Variants in SERINC2 observed in about 807,000 individuals in gnomAD.
SERINC2 encodes serine incorporator 2, also known as tumor differentially expressed protein 2.
Under a neutral mutation model 54.2 loss-of-function variants are expected in SERINC2, and 56 were observed. The observed-to-expected ratio is 1.03, with a 90% CI of 0.83 to 1.29. The LOEUF (loss-of-function observed/expected upper bound fraction) is 1.29. Ranked by LOEUF, SERINC2 falls within the 50% of genes most tolerant of loss-of-function variation. The pLI is 0.00. For synonymous variants in SERINC2, 272 were observed against 253.1 expected (o/e 1.07, Z -0.71); for missense variants, 614 against 607.4 (o/e 1.01, Z -0.12).
chr1:31,409,851 TG>T, upstream of SERINC2: 1 of 1,555,844 alleles, frequency 6.4e-7, no homozygotes, highest in East Asian at 2.4e-5. Context: ...GACGGGAGGA[TG>T]GTAAGAGGGG....
chr1:31,410,522 T>C, upstream of SERINC2: 1 of 1,521,920 alleles, frequency 6.6e-7, no homozygotes, highest in Non-Finnish European at 8.8e-7. Flanking sequence ...TGGCAGCATA[T>C]TACCTTGCTC....
intron 1 of SERINC2, among the ~76,000 whole-genome samples, chr1:31,423,133 C>T (rs538240849): frequency 6.6e-5 from 10 of 152,352 alleles, no homozygotes; most frequent in South Asian, 4.1e-4. Context: ...CGCAAAAATT[C>T]CTGCCCCGCT....
intron 8 of SERINC2, among the ~76,000 whole-genome samples, chr1:31,431,853 G>T (rs1553134550): frequency 1.0e-4 from 15 of 149,240 alleles, no homozygotes; most frequent in African/African-American, 3.7e-4. Context: ...GGGTGGATAG[G>T]GTGGATAGGG....
chr1:31,429,338 C>T (rs782788956), intron 7 of SERINC2, 59 bp from the exon 8 acceptor site: 4 of 1,551,012 alleles, frequency 2.6e-6, no homozygotes, highest in Non-Finnish European at 2.6e-6. Flanking sequence ...TCCTCAGGGC[C>T]ACTTGGCTAC....
intron 8 of SERINC2, 100 bp from the exon 9 acceptor site, chr1:31,432,867 A>G (rs1641352871): frequency 3.5e-6 from 3 of 851,014 alleles, no homozygotes; most frequent in Non-Finnish European, 5.5e-6. Flanking sequence ...CAGGCCCAGT[A>G]ACCGGGTCGC....
intron 8 of SERINC2, among the ~76,000 whole-genome samples, chr1:31,431,841 T>C (rs188919158): frequency 0.025 from 879 of 35,106 alleles, 12 homozygotes; most frequent in Middle Eastern, 0.056. Flanking sequence ...ATAGGGTGGA[T>C]AGGGTGGATA....
intron 1 of SERINC2, among the ~76,000 whole-genome samples, chr1:31,416,653 A>T (rs1219773802): frequency 6.6e-6 from 1 of 152,240 alleles, no homozygotes; most frequent in Non-Finnish European, 1.5e-5. Context: ...AATACATGTT[A>T]AAAAATTTAC....
Position 31,424,760 on chromosome 1 carries a change from C to A in SERINC2, c.279C>A (p.Gly93=), listed in dbSNP as rs1553133271. 1 of 1,611,576 alleles carries A rather than the reference C, an allele frequency of 6.2e-7. No individual in the cohort carries two copies. The highest frequency in any genetic ancestry group is 1.7e-5 in the Admixed American group (1 of 59,682). Residue 93 remains glycine, a synonymous_variant, in exon 3 of 10, where the codon GGC becomes GGA. Transcript: ENST00000373709. ...ACATCGACTGTGGCTCCCTGCTTGG[C>A]TACCGCGCTGTCTACCGCATGTGCT... ...QGHIDCGSLL[G]YRAVYRMCFA...
At chr1:31,416,005 T>C in intron 1 of SERINC2, 1 of 710,192 alleles carries the variant, frequency 1.4e-6, no homozygotes, top group Non-Finnish European at 1.7e-6. Flanking sequence ...TCTGCAAAGA[T>C]TTCAGGAGGG....
rs368079894 is a variant in SERINC2 at position 31,424,746 on chromosome 1, G to C, written c.265G>C (p.Gly89Arg). 9 of 1,610,908 alleles carry C rather than the reference G, an allele frequency of 5.6e-6. No homozygotes were observed. The highest frequency in any genetic ancestry group is 1.3e-5 in the African/African-American group (1 of 74,910). The change falls in exon 3 of 10, where the codon GGC becomes CGC. Residue 89 changes from glycine (G) to arginine (R), a missense_variant. Gly to Arg is a moderately radical substitution (Grantham distance 125). Transcript: ENST00000373709. ...PTVLQGHIDC[G>R]SLLGYRAVYR... ...CGTCCTGCAGGGCCACATCGACTGT[G>C]GCTCCCTGCTTGGCTACCGCGCTGT...
At chr1:31,422,267 C>G (rs1334397607) in intron 1 of SERINC2, among the ~76,000 whole-genome samples, 1 of 150,636 alleles carries the variant, frequency 6.6e-6, no homozygotes, top group East Asian at 2.0e-4. Flanking sequence ...CCACTGCACT[C>G]CAGCCTGGGT....
chr1:31,411,180 T>C (rs1640642098), upstream of SERINC2, among the ~76,000 whole-genome samples: 1 of 152,102 alleles, frequency 6.6e-6, no homozygotes, highest in African/African-American at 2.4e-5. Context: ...GGCCTCGGGT[T>C]AGGGAAGGAC....
At chr1:31,423,592 T>C (rs1640952417) in intron 1 of SERINC2, 101 bp from the exon 2 acceptor site, 5 of 1,239,210 alleles carry the variant, frequency 4.0e-6, no homozygotes, top group Middle Eastern at 2.7e-4. Context: ...AGTGTGCTCC[T>C]GCCTAGCGCA....
intron 8 of SERINC2, among the ~76,000 whole-genome samples, chr1:31,431,915 GGGTGGTT>G: frequency 6.8e-6 from 1 of 147,100 alleles, no homozygotes; most frequent in Admixed American, 6.8e-5. Flanking sequence ...AGGGTGGATA[GGGTGGTT>G]AGGGTGGATA....
chr1:31,432,321 A>T (rs1323827945), intron 8 of SERINC2, among the ~76,000 whole-genome samples: 1 of 151,658 alleles, frequency 6.6e-6, no homozygotes, highest in African/African-American at 2.4e-5. Flanking sequence ...TTGTTTGGAA[A>T]CGTGAGTTGG....
At chr1:31,421,715 C>G (rs1192417631) in intron 1 of SERINC2, among the ~76,000 whole-genome samples, 1 of 152,200 alleles carries the variant, frequency 6.6e-6, no homozygotes, top group African/African-American at 2.4e-5. Flanking sequence ...AATTCCTGAC[C>G]CTTGGCTCCA....
At position 31,432,999 on chromosome 1, in the gene SERINC2, G is replaced by A. The variant is rs782658192; in HGVS notation, c.1046G>A (p.Ser349Asn). The A allele has an allele frequency of 1.9e-6, 3 of 1,612,322 alleles. No individual in the cohort carries two copies. In the South Asian group the frequency reaches 3.3e-5, roughly 18 times the overall value. ...TCCTCAGACCACCGGCAGGTGAACA[G>A]CCTGATGCAGACCGAGGAGTGCCCA... is the stretch of plus-strand genomic sequence containing the variant. ...LRSSDHRQVN[S>N]LMQTEECPPM... The change falls in exon 9 of 10, where the codon AGC (serine) becomes AAC (asparagine). Residue 349 changes from serine (S) to asparagine (N), a missense_variant. Ser to Asn is a conservative substitution (Grantham distance 46). Transcript: ENST00000373709.
Position 31,413,313 on chromosome 1 carries a change from C to T in SERINC2, c.39+9C>T. 1.6e-6 allele frequency: 2 copies of T among 1,266,878 alleles called. No homozygotes were observed. Among genetic ancestry groups the T allele is most frequent in the Non-Finnish European group, 9.9e-7 (1 of 1,007,146 alleles). 78.5% of individuals were successfully genotyped at this position (1,266,878 alleles called of 1,614,324 possible). A position where few individuals can be genotyped will look rare whatever the true frequency, so the allele number is the denominator to read the frequency against. The stretch of plus-strand genomic sequence containing the variant: ...GCTCCCTGCTCAGCTGCGTGAGTCC[C>T]GACCCCGGCGCCCGCCCGCGCGCGC... On this transcript the variant is annotated intron_variant, in intron 1 of 9. Transcript: ENST00000373709. This position sits in a 1 kb window ranked among gnomAD's most constrained non-coding sequence, Gnocchi z 5.0.
chr1:31,425,554 C>A (rs1641017944), intron 4 of SERINC2, 145 bp downstream of exon 4: 3 of 878,918 alleles, frequency 3.4e-6, no homozygotes, highest in African/African-American at 1.6e-5. Flanking sequence ...CGTGAGACAG[C>A]ACTGTGGTGC....
Sources: gnomAD v4.1 joint callset for allele counts (sites outside exome capture counted in the v4.1 genomes callset) on GRCh38, gnomAD v4.1.1 for gene constraint, Gnocchi (gnomAD v3.1) non-coding constraint, MANE v1.5 for transcripts, NCBI Gene and HGNC (gene_info 2026-07-23, HGNC 2026-07-21) for gene names.